The following DGKG variants were observed in gnomAD, a reference collection of about 807,000 sequenced individuals.
The protein encoded by DGKG is diacylglycerol kinase gamma.
In DGKG, 78 loss-of-function variants were observed where a neutral mutation model predicts 105.3. The observed-to-expected ratio is 0.74, with a 90% CI of 0.62 to 0.89. DGKG has a LOEUF of 0.89. Among genes scored for constraint, DGKG ranks in the 40% least tolerant of loss-of-function variants. The pLI, the probability that DGKG is intolerant of heterozygous loss-of-function variation, is 0.00. For synonymous variants in DGKG, 346 were observed against 367.1 expected (o/e 0.94, Z 0.66); for missense variants, 958 against 1,020.1 (o/e 0.94, Z 0.83).
intron 22 of DGKG, among the ~76,000 whole-genome samples, chr3:186,182,693 A>T (rs888531409): frequency 3.3e-5 from 5 of 152,058 alleles, no homozygotes; most frequent in Non-Finnish European, 7.4e-5. Flanking sequence ...CTCACATGTA[A>T]CTCTAAGATT....
chr3:186,227,519 T>C (rs548990099), intron 20 of DGKG, among the ~76,000 whole-genome samples: 1 of 152,124 alleles, frequency 6.6e-6, no homozygotes, highest in African/African-American at 2.4e-5. Context: ...CGACCTGGCA[T>C]AGCAGAGTTG....
At position 186,149,627 on chromosome 3, in the gene DGKG, G is replaced by C; in HGVS notation, c.*463C>G. Reference sequence around the variant, plus strand: ...GGAGGCCGTTTTGTCTCTGTACAGAGGGAACTTTGTGCAAATTCTCTGGAA... The same window carrying C: ...GGAGGCCGTTTTGTCTCTGTACAGACGGAACTTTGTGCAAATTCTCTGGAA... On this transcript the variant is annotated 3_prime_UTR_variant, in exon 25 of 25. Coordinates refer to ENST00000265022, the MANE Select transcript of DGKG (RefSeq NM_001346.3). 1.0e-6 allele frequency: 1 copy of C among 988,568 alleles called. No homozygotes were observed. The highest frequency in any genetic ancestry group is 1.7e-5 in the African/African-American group (1 of 57,404). 61.2% of individuals were successfully genotyped at this position (988,568 alleles called of 1,614,324 possible). A position where few individuals can be genotyped will look rare whatever the true frequency, so the allele number is the denominator to read the frequency against.
intron 7 of DGKG, among the ~76,000 whole-genome samples, chr3:186,282,231 G>C (rs1216081985): frequency 1.3e-5 from 2 of 152,074 alleles, no homozygotes; most frequent in Admixed American, 1.3e-4. Context: ...AGCAGAAGCA[G>C]GTTTTGAGTT....
intron 23 of DGKG, among the ~76,000 whole-genome samples, chr3:186,162,128 T>A (rs2108477023): frequency 6.6e-6 from 1 of 152,318 alleles, no homozygotes; most frequent in South Asian, 2.1e-4. Context: ...ACTCCCGACC[T>A]CAGGTGATCC....
intron 1 of DGKG, among the ~76,000 whole-genome samples, chr3:186,355,260 A>ACT (rs1553826150): frequency 5.9e-5 from 9 of 151,636 alleles, no homozygotes; most frequent in Admixed American, 1.3e-4. Flanking sequence ...CACCAACACC[A>ACT]ACACCACTAC....
chr3:186,301,327 T>C (rs1408465540), intron 3 of DGKG, among the ~76,000 whole-genome samples: 1 of 152,160 alleles, frequency 6.6e-6, no homozygotes, highest in East Asian at 1.9e-4. Flanking sequence ...ATTGCTTCTC[T>C]TCTCAAAAAC....
intron 1 of DGKG, among the ~76,000 whole-genome samples, chr3:186,339,915 G>A (rs565249659): frequency 1.2e-3 from 180 of 152,274 alleles, no homozygotes; most frequent in African/African-American, 4.2e-3. Flanking sequence ...CTAATCTCTT[G>A]AGCCCAAGTT....
At chr3:186,358,758 A>G (rs1289254483) in intron 1 of DGKG, among the ~76,000 whole-genome samples, 1 of 151,552 alleles carries the variant, frequency 6.6e-6, no homozygotes, top group African/African-American at 2.4e-5. Context: ...CAAATAAACA[A>G]CTCTTTGAAT....
intron 2 of DGKG, among the ~76,000 whole-genome samples, chr3:186,319,495 C>T (rs1724981305): frequency 6.6e-6 from 1 of 152,278 alleles, no homozygotes; most frequent in South Asian, 2.1e-4. Context: ...CAGCTGCAGG[C>T]CTCATGATTT....
At chr3:186,312,899 T>G (rs1437662406) in intron 2 of DGKG, among the ~76,000 whole-genome samples, 1 of 152,230 alleles carries the variant, frequency 6.6e-6, no homozygotes, top group African/African-American at 2.4e-5. Context: ...AGCACGGATG[T>G]ACTTGCTACA....
chr3:186,305,398 T>A (rs1317525159), intron 3 of DGKG, among the ~76,000 whole-genome samples: 1 of 152,184 alleles, frequency 6.6e-6, no homozygotes, highest in Non-Finnish European at 1.5e-5. Flanking sequence ...CTGGCTTATT[T>A]GATAGCATCA....
At chr3:186,346,365 TATGAGG>T in intron 1 of DGKG, among the ~76,000 whole-genome samples, 1 of 152,330 alleles carries the variant, frequency 6.6e-6, no homozygotes, top group Middle Eastern at 3.4e-3. Context: ...AGTGCCCTCT[TATGAGG>T]ATTCTAGTCT....
intron 12 of DGKG, among the ~76,000 whole-genome samples, 185 bp downstream of exon 12, chr3:186,268,616 G>A (rs1462293488): frequency 6.6e-6 from 1 of 152,146 alleles, no homozygotes; most frequent in Admixed American, 6.5e-5. Context: ...CCCTCTCTCT[G>A]GGCAGCTTGG....
At chr3:186,273,830 T>C (rs538368881) in intron 10 of DGKG, among the ~76,000 whole-genome samples, 3 of 152,228 alleles carry the variant, frequency 2.0e-5, no homozygotes, top group Non-Finnish European at 4.4e-5. Flanking sequence ...CGGGCCTCCC[T>C]GCAGCAGCAG....
In DGKG at chr3:186,212,032, A is replaced by T; in HGVS notation, c.1827-147T>A. 1.1e-5 allele frequency: 7 copies of T among 645,068 alleles called. No individual in the cohort carries two copies. In the East Asian group the frequency reaches 2.0e-4, roughly 18 times the overall value. 40.0% of individuals were successfully genotyped at this position (645,068 alleles called of 1,614,324 possible). On this transcript the variant is annotated intron_variant, in intron 20 of 24. Transcript: ENST00000265022. ...GCACTTGTTAATCAGATGATCAAGGAATAGAAATTTTTTACCAACTGTTCT... is the reference window on the plus strand; with the variant it reads ...GCACTTGTTAATCAGATGATCAAGGTATAGAAATTTTTTACCAACTGTTCT...
At chr3:186,318,672 C>T (rs1375336689) in intron 2 of DGKG, among the ~76,000 whole-genome samples, 1 of 152,120 alleles carries the variant, frequency 6.6e-6, no homozygotes, top group Non-Finnish European at 1.5e-5. Context: ...CACGTGAGGG[C>T]ATGCAGGGAG....
At chr3:186,344,072 C>CA (rs1442566044) in intron 1 of DGKG, among the ~76,000 whole-genome samples, 2 of 151,958 alleles carry the variant, frequency 1.3e-5, no homozygotes, top group East Asian at 3.9e-4. Flanking sequence ...TTAAAAAGTT[C>CA]AAAAAAACCA....
intron 22 of DGKG, among the ~76,000 whole-genome samples, chr3:186,183,431 T>C (rs1300309354): frequency 1.3e-5 from 2 of 152,174 alleles, no homozygotes; most frequent in Non-Finnish European, 2.9e-5. Flanking sequence ...TGTTTCTCAC[T>C]ATTCTTATTG....
intron 1 of DGKG, among the ~76,000 whole-genome samples, chr3:186,352,755 C>T (rs1726694442): frequency 6.6e-6 from 1 of 152,138 alleles, no homozygotes; most frequent in Admixed American, 6.5e-5. Context: ...TAGCCCTCAT[C>T]TCCCTGGAAC....
Sources: gnomAD v4.1 joint callset for allele counts (sites outside exome capture counted in the v4.1 genomes callset) on GRCh38, gnomAD v4.1.1 for gene constraint, MANE v1.5 for transcripts, NCBI Gene and HGNC (gene_info 2026-07-23, HGNC 2026-07-21) for gene names.